The following FLI1 variants were observed in gnomAD, a reference collection of about 807,000 sequenced individuals.
FLI1 encodes the protein Fli-1 proto-oncogene, ETS transcription factor.
Under a neutral mutation model 53.1 loss-of-function variants are expected in FLI1, and 13 were observed. The observed-to-expected ratio is 0.24, with a 90% confidence interval of 0.16 to 0.39. The LOEUF (loss-of-function observed/expected upper bound fraction) is 0.39. Ranked by LOEUF, FLI1 falls within the 10% of genes least tolerant of loss-of-function variation. The pLI, the probability that FLI1 is intolerant of heterozygous loss-of-function variation, is 1.00. For synonymous variants in FLI1, 244 were observed against 236.7 expected, an observed-to-expected ratio of 1.03 and a Z score of -0.28; for missense variants, 424 against 600.5, an observed-to-expected ratio of 0.71 and a Z score of 3.07.
chr11:128,733,709 G>A (rs1404386118), intron 1 of FLI1, among the ~76,000 whole-genome samples: 1 of 152,216 alleles, frequency 6.6e-6, no homozygotes, highest in African/African-American at 2.4e-5. Flanking sequence ...CCCTGAAGCT[G>A]TGCAAATACT....
chr11:128,784,011 G>C (rs1339631277), intron 5 of FLI1, among the ~76,000 whole-genome samples: 1 of 151,798 alleles, frequency 6.6e-6, no homozygotes, highest in African/African-American at 2.4e-5. Flanking sequence ...AGGAGGAAGG[G>C]AGGGATGGGA....
intron 7 of FLI1, among the ~76,000 whole-genome samples, chr11:128,808,547 A>G (rs1942850484): frequency 6.6e-6 from 1 of 152,210 alleles, no homozygotes; most frequent in Non-Finnish European, 1.5e-5. Context: ...CTTGTGTGAC[A>G]TTTCAAATCA....
At chr11:128,759,676 G>C (rs1239117141) in intron 2 of FLI1, among the ~76,000 whole-genome samples, 1 of 152,222 alleles carries the variant, frequency 6.6e-6, no homozygotes, top group African/African-American at 2.4e-5. Context: ...AGCAGCCGCA[G>C]AAAGGTGGCA....
intron 5 of FLI1, among the ~76,000 whole-genome samples, chr11:128,783,148 G>A (rs1941973649): frequency 6.6e-6 from 1 of 152,142 alleles, no homozygotes; most frequent in Non-Finnish European, 1.5e-5. Context: ...TATAAGAAAG[G>A]CAGAAGTTCT....
At chr11:128,733,438 A>G (rs1420336569) in intron 1 of FLI1, among the ~76,000 whole-genome samples, 1 of 152,190 alleles carries the variant, frequency 6.6e-6, no homozygotes, top group Non-Finnish European at 1.5e-5. Context: ...CAGTAGCTCT[A>G]CACACTCCGC....
intron 2 of FLI1, among the ~76,000 whole-genome samples, chr11:128,759,930 A>C (rs1340420039): frequency 6.6e-6 from 1 of 152,108 alleles, no homozygotes; most frequent in Non-Finnish European, 1.5e-5. Context: ...TGGGAGGGAG[A>C]ACTCCTCCAG....
Position 128,810,496 on chromosome 11 carries a change from G to A in FLI1, c.867G>A (p.Glu289=), listed in dbSNP as rs369900426. ...TCCAGCTGTGGCAATTCCTCCTGGA[G>A]CTGCTCTCCGACAGCGCCAACGCCA... ...GQIQLWQFLL[E]LLSDSANASC... is the part of the protein sequence containing the mutation. The change falls in exon 9 of 9, where the codon GAG becomes GAA. Residue 289 remains glutamate, a synonymous_variant. Transcript: ENST00000527786. This position sits in a 1 kb window ranked among gnomAD's most constrained non-coding sequence, Gnocchi z 6.6. The A allele has an allele frequency of 1.2e-6, 2 of 1,604,220 alleles. No individual in the cohort carries two copies. The highest frequency in any genetic ancestry group is 8.5e-7 in the Non-Finnish European group (1 of 1,175,240).
intron 4 of FLI1, among the ~76,000 whole-genome samples, chr11:128,775,590 G>T (rs2135850201): frequency 6.6e-6 from 1 of 152,304 alleles, no homozygotes; most frequent in African/African-American, 2.4e-5. Context: ...TTTCTGCTCT[G>T]GATTGCTGGG....
At chr11:128,695,931 T>C (rs1253591318) in intron 1 of FLI1, 2 of 152,224 alleles carry the variant, frequency 1.3e-5, no homozygotes, top group African/African-American at 4.8e-5. Context: ...CCTCTTCTGA[T>C]CCAGAAGGGT....
chr11:128,686,710 T>A, intron 1 of FLI1: 1 of 339,516 alleles, frequency 2.9e-6, no homozygotes, highest in Non-Finnish European at 5.9e-6. Flanking sequence ...AGGTAAGACA[T>A]GGCAGCGTCT....
intron 5 of FLI1, among the ~76,000 whole-genome samples, chr11:128,802,345 G>T (rs2087163739): frequency 6.6e-6 from 1 of 152,188 alleles, no homozygotes; most frequent in Non-Finnish European, 1.5e-5. Flanking sequence ...GAGCCAATGT[G>T]CTCAGGCTGT....
At chr11:128,762,854 G>T (rs1417996526) in intron 2 of FLI1, among the ~76,000 whole-genome samples, 1 of 152,154 alleles carries the variant, frequency 6.6e-6, no homozygotes, top group African/African-American at 2.4e-5. Context: ...TACTCAGGAG[G>T]CTGAGGCAGG....
chr11:128,796,904 G>A (rs1422406527), intron 5 of FLI1, among the ~76,000 whole-genome samples: 1 of 152,236 alleles, frequency 6.6e-6, no homozygotes, highest in Admixed American at 6.5e-5. Context: ...GAATCCGGGA[G>A]ACGGAAGTTG....
chr11:128,748,311 A>T (rs941489322), intron 1 of FLI1: 8 of 958,828 alleles, frequency 8.3e-6, no homozygotes, highest in African/African-American at 1.8e-5. Context: ...GGGGAAAGGC[A>T]CTTGGGAGGG....
chr11:128,798,880 G>A (rs1942529042), intron 5 of FLI1, among the ~76,000 whole-genome samples: 1 of 152,068 alleles, frequency 6.6e-6, no homozygotes, highest in Admixed American at 6.5e-5. Flanking sequence ...GAGGATGCTG[G>A]GTAATGCCTG....
chr11:128,716,002 G>C (rs1938994671), intron 1 of FLI1, among the ~76,000 whole-genome samples: 1 of 152,220 alleles, frequency 6.6e-6, no homozygotes, highest in African/African-American at 2.4e-5. Flanking sequence ...CTGCCTGTGA[G>C]TATGCCTGTC....
At chr11:128,757,940 C>T (rs1442886474) in intron 1 of FLI1, among the ~76,000 whole-genome samples, 175 bp from the exon 2 acceptor site, 2 of 152,196 alleles carry the variant, frequency 1.3e-5, no homozygotes, top group Non-Finnish European at 2.9e-5. Context: ...AACCTGCAAA[C>T]ACCCATCTGG....
At chr11:128,708,143 C>A (rs1003048046) in intron 1 of FLI1, among the ~76,000 whole-genome samples, 1 of 152,126 alleles carries the variant, frequency 6.6e-6, no homozygotes, top group South Asian at 2.1e-4. Flanking sequence ...CTTGGTTTCC[C>A]CATTGCCGTG....
chr11:128,697,533 T>G (rs1037690287), intron 1 of FLI1, among the ~76,000 whole-genome samples: 1 of 151,716 alleles, frequency 6.6e-6, no homozygotes, highest in Non-Finnish European at 1.5e-5. Flanking sequence ...CACATTAAAT[T>G]AACTTCATGT....
Sources: gnomAD v4.1 joint callset for allele counts (sites outside exome capture counted in the v4.1 genomes callset) on GRCh38, gnomAD v4.1.1 for gene constraint, Gnocchi (gnomAD v3.1) non-coding constraint, MANE v1.5 for transcripts, NCBI Gene and HGNC (gene_info 2026-07-23, HGNC 2026-07-21) for gene names.